Variants in TJP1 observed in about 807,000 individuals in gnomAD.
The protein encoded by TJP1 is tight junction protein ZO-1.
A neutral mutation model predicts 194.2 loss-of-function variants in TJP1; 43 were observed. That is an observed-to-expected ratio of 0.22 (90% CI 0.17 to 0.29). The LOEUF (loss-of-function observed/expected upper bound fraction) is 0.29. TJP1 is among the 10% of genes least tolerant of loss of function. The pLI is 1.00. For missense variants in TJP1, 1,971 were observed against 2,185.7 expected, an observed-to-expected ratio of 0.90 and a Z score of 1.96; for synonymous variants, 801 against 779.0, an observed-to-expected ratio of 1.03 and a Z score of -0.47.
chr15:29,841,727 C>T (rs1376039433), intron 2 of TJP1, among the ~76,000 whole-genome samples: 1 of 152,116 alleles, frequency 6.6e-6, no homozygotes, highest in Non-Finnish European at 1.5e-5. Flanking sequence ...CTCCCTCCCT[C>T]CCCTCCTTTT....
At chr15:29,781,746 C>T (rs938799540) in intron 2 of TJP1, among the ~76,000 whole-genome samples, 1 of 152,160 alleles carries the variant, frequency 6.6e-6, no homozygotes, top group Non-Finnish European at 1.5e-5. Flanking sequence ...GCAGAAATGG[C>T]TTTCAATAAA....
At chr15:29,943,213 C>T (rs2152287043) in intron 2 of TJP1, among the ~76,000 whole-genome samples, 1 of 152,288 alleles carries the variant, frequency 6.6e-6, no homozygotes, top group Middle Eastern at 3.4e-3. Flanking sequence ...TGGAGAAGGT[C>T]TTTTTTAAAA....
intron 18 of TJP1, among the ~76,000 whole-genome samples, chr15:29,723,391 C>T (rs146096407): frequency 3.9e-5 from 6 of 152,182 alleles, no homozygotes; most frequent in Non-Finnish European, 7.3e-5. Context: ...AGTACTCCCC[C>T]CTTCTCTCTC....
chr15:29,872,995 G>A (rs955098491), intron 2 of TJP1, among the ~76,000 whole-genome samples: 5 of 152,176 alleles, frequency 3.3e-5, no homozygotes, highest in Non-Finnish European at 5.9e-5. Context: ...ACATGTGCAC[G>A]CACCATTCAT....
At chr15:29,820,577 C>A in intron 1 of TJP1, 1 of 716,726 alleles carries the variant, frequency 1.4e-6, no homozygotes, top group African/African-American at 1.7e-5. Context: ...CTTGAAATAA[C>A]CTCTTAAAAA....
At chr15:29,875,867 TCTC>T (rs2052680458) in intron 2 of TJP1, among the ~76,000 whole-genome samples, 3 of 152,132 alleles carry the variant, frequency 2.0e-5, no homozygotes, top group Non-Finnish European at 4.4e-5. Context: ...CCTGGCCAGT[TCTC>T]CTCAATATTA....
chr15:29,726,739 A>G (rs1381737500), intron 17 of TJP1, 42 bp downstream of exon 17: 1 of 1,581,802 alleles, frequency 6.3e-7, no homozygotes, highest in Non-Finnish European at 8.7e-7. Flanking sequence ...AATGTTGCCC[A>G]GACATTGTAA....
chr15:29,785,063 T>G (rs1178390231), intron 2 of TJP1, among the ~76,000 whole-genome samples: 2 of 152,230 alleles, frequency 1.3e-5, no homozygotes, highest in African/African-American at 4.8e-5. Flanking sequence ...TTTTCTCATC[T>G]ATCTTCAACG....
chr15:29,795,713 A>AAACAATGTT (rs1163135897), intron 2 of TJP1, among the ~76,000 whole-genome samples: 2 of 152,154 alleles, frequency 1.3e-5, no homozygotes. Flanking sequence ...AACCAGATAT[A>AAACAATGTT]AACAATGTTA....
intron 2 of TJP1, among the ~76,000 whole-genome samples, chr15:29,867,142 G>C (rs1454858626): frequency 2.0e-5 from 3 of 152,216 alleles, no homozygotes; most frequent in Non-Finnish European, 4.4e-5. Flanking sequence ...AAGGTGGAAA[G>C]AGCAATTTCT....
In TJP1 at chr15:29,742,787, T is replaced by TTA. The variant is rs1350620772; in HGVS notation, c.1011-7_1011-6insTA. 5.7e-6 allele frequency: 9 copies of TTA among 1,571,612 alleles called. No individual in the cohort carries two copies. Among genetic ancestry groups the TTA allele is most frequent in the Non-Finnish European group, 7.7e-6 (9 of 1,164,338 alleles). ...CTTCATCTCTACTCCGGAGACTGTGTGTCATTAAAATAAAAAATCAAGAGC... is the reference window on the plus strand; with the variant it reads ...CTTCATCTCTACTCCGGAGACTGTGTTAGTCATTAAAATAAAAAATCAAGAGC... On this transcript the variant is annotated splice_region_variant and splice_polypyrimidine_tract_variant and intron_variant, in intron 8 of 27. Coordinates refer to ENST00000614355, the MANE Select transcript of TJP1 (RefSeq NM_001330239.4).
intron 8 of TJP1, among the ~76,000 whole-genome samples, chr15:29,743,259 T>C (rs553003274): frequency 6.6e-6 from 1 of 152,210 alleles, no homozygotes; most frequent in South Asian, 2.1e-4. Flanking sequence ...AGTGATTACA[T>C]AAAAATAAAG....
intron 2 of TJP1, among the ~76,000 whole-genome samples, chr15:29,879,392 C>A (rs1165969372): frequency 6.6e-6 from 1 of 152,220 alleles, no homozygotes; most frequent in Non-Finnish European, 1.5e-5. Flanking sequence ...CCCTATCCCT[C>A]CAGCTGCCTC....
rs370895850 is a variant in TJP1, at chr15:29,738,865, T to TGAA, written c.1257-1452_1257-1451insTTC. On this transcript the variant is annotated intron_variant, in intron 10 of 27. Coordinates refer to ENST00000614355, the MANE Select transcript of TJP1 (RefSeq NM_001330239.4). ...CAACACAGCAAGACCCTGTCACTAC[T>TGAA]AAAAAAAAAAAAAAAAAAAAAAAAA... 8.2e-5 allele frequency among the ~76,000 whole-genome samples: 4 copies of TGAA among 48,866 alleles called. No homozygotes were observed. The East Asian group carries it at 2.3e-3, about 29-fold the overall frequency. The allele number at this position is 48,866 out of a possible 152,430, so 32.1% of individuals were successfully genotyped here. A position where few individuals can be genotyped will look rare whatever the true frequency, so the allele number is the denominator to read the frequency against.
intron 2 of TJP1, among the ~76,000 whole-genome samples, chr15:29,873,052 T>C (rs912597956): frequency 1.3e-5 from 2 of 152,300 alleles, no homozygotes; most frequent in South Asian, 4.1e-4. Context: ...TTGAAATGGG[T>C]CTTGCAGGAT....
rs756428545 is a variant in TJP1, at chr15:29,726,433, C to T, written c.2358G>A (p.Leu786=). 2 of 1,614,086 alleles carry T rather than the reference C, an allele frequency of 1.2e-6. No individual in the cohort carries two copies. The highest frequency in any genetic ancestry group is 2.2e-5 in the South Asian group (2 of 91,068). Residue 786 remains leucine, a synonymous_variant, in exon 18 of 28, where the codon CTG becomes CTA. Coordinates refer to ENST00000614355, the MANE Select transcript of TJP1 (RefSeq NM_001330239.4). ...TTTGCTGTTGTTGAATTGCTTCTTT[C>T]AGCGCACCATACCAACCATCATTCA... ...NSMNDGWYGA[L]KEAIQQQQNQ... is the part of the protein sequence containing the mutation.
intron 2 of TJP1, among the ~76,000 whole-genome samples, chr15:29,795,407 ACT>A (rs2048341372): frequency 6.8e-6 from 1 of 147,172 alleles, no homozygotes; most frequent in Admixed American, 6.9e-5. Context: ...ATACAGCAAG[ACT>A]CTGTCTCAAA....
chr15:29,912,733 T>C (rs2054060873), intron 2 of TJP1, among the ~76,000 whole-genome samples: 1 of 134,686 alleles, frequency 7.4e-6, no homozygotes, highest in Admixed American at 7.3e-5. Context: ...AGAGGGAGCT[T>C]GGAAAAAATA....
At chr15:29,968,654 G>T in intron 1 of TJP1, 1 of 1,037,634 alleles carries the variant, frequency 9.6e-7, no homozygotes, top group South Asian at 2.9e-5. Flanking sequence ...CCGCGCCCGC[G>T]CGGCCGCCTC....
Sources: allele counts gnomAD v4.1 joint callset (sites outside exome capture counted in the v4.1 genomes callset), GRCh38; gene constraint gnomAD v4.1.1; transcripts MANE v1.5; gene names NCBI Gene and HGNC (gene_info 2026-07-23, HGNC 2026-07-21).